CBY1: variants seen among roughly 807,000 people sequenced by gnomAD.
CBY1 encodes protein chibby homolog 1.
In CBY1, 10 loss-of-function variants were observed where a neutral mutation model predicts 15.6. The observed-to-expected ratio is 0.64, with a 90% CI of 0.40 to 1.09. The LOEUF (loss-of-function observed/expected upper bound fraction) is 1.09, where lower values mean the gene tolerates loss of function less well. Ranked by LOEUF, CBY1 falls within the 50% of genes least tolerant of loss-of-function variation. The pLI is 0.01. For missense variants in CBY1, 150 were observed against 160.5 expected, an observed-to-expected ratio of 0.93 and a Z score of 0.35; for synonymous variants, 61 against 63.5, an observed-to-expected ratio of 0.96 and a Z score of 0.19.
intron 1 of CBY1, among the ~76,000 whole-genome samples, chr22:38,660,304 C>T (rs2092418448): frequency 6.6e-6 from 1 of 151,728 alleles, no homozygotes; most frequent in African/African-American, 2.4e-5. Context: ...AAGTGATTCT[C>T]CTGTCTCAGC....
chr22:38,660,201 C>CT (rs967592367), intron 1 of CBY1, among the ~76,000 whole-genome samples: 31 of 146,916 alleles, frequency 2.1e-4, no homozygotes, highest in South Asian at 1.1e-3. Context: ...ATTTTTTTAA[C>CT]TTTTTTTTTT....
chr22:38,661,125 A>G (rs1003071431), intron 1 of CBY1, among the ~76,000 whole-genome samples: 1 of 152,006 alleles, frequency 6.6e-6, no homozygotes, highest in Non-Finnish European at 1.5e-5. Context: ...CCCAAATGCC[A>G]TCCCCTAAGT....
chr22:38,657,106 A>C, intron 1 of CBY1: 2 of 984,060 alleles, frequency 2.0e-6, no homozygotes, highest in Non-Finnish European at 2.4e-6. Context: ...GAATCCGATG[A>C]AAACCAGAGA....
chr22:38,672,407 C>G (rs919450142), intron 4 of CBY1, among the ~76,000 whole-genome samples: 7 of 152,004 alleles, frequency 4.6e-5, no homozygotes, highest in African/African-American at 1.7e-4. Context: ...TGCCCCACTG[C>G]AACCTCTGCC....
At chr22:38,661,304 G>C (rs561923435) in intron 1 of CBY1, among the ~76,000 whole-genome samples, 1 of 152,230 alleles carries the variant, frequency 6.6e-6, no homozygotes, top group African/African-American at 2.4e-5. Flanking sequence ...CTCCCAGGCA[G>C]TTGGGATTAC....
chr22:38,660,994 A>G (rs1254763243), intron 1 of CBY1, among the ~76,000 whole-genome samples: 6 of 151,748 alleles, frequency 4.0e-5, no homozygotes, highest in Admixed American at 3.3e-4. Flanking sequence ...GGGCCTTACA[A>G]TGTGTTTTGG....
intron 1 of CBY1, among the ~76,000 whole-genome samples, chr22:38,662,078 A>C (rs2092423624): frequency 6.6e-6 from 1 of 152,108 alleles, no homozygotes; most frequent in Non-Finnish European, 1.5e-5. Context: ...AAGTTGGGCC[A>C]GTCGCTTGAG....
rs369919819 is a variant in CBY1 at position 38,671,087 on chromosome 22, G to A, written c.202G>A (p.Gly68Ser). ...TCCTCCAGAGACAGGGGTTAGTGGC[G>A]GTGTGGACCGGAGGGAGGTTCAGCG... The part of the protein sequence containing the change: ...QWIAETGVSG[G>S]VDRREVQRLR... The change falls in exon 4 of 5, where the codon GGT becomes AGT. Residue 68 changes from glycine to serine, a missense_variant. Transcript: ENST00000216029. 20 of 1,614,032 alleles carry A rather than the reference G, an allele frequency of 1.2e-5. No individual in the cohort carries two copies. The highest frequency in any genetic ancestry group is 9.9e-5 in the South Asian group (9 of 91,092).
chr22:38,670,944 C>G lies in CBY1; in HGVS notation c.139C>G (p.Leu47Val). ...GLEYGSPTMNLAGQSLKFENG... is the reference protein window; with the variant it reads ...GLEYGSPTMNVAGQSLKFENG... ...GGAATACGGATCCCCGACTATGAAC[C>G]TGGCAGGGCAAAGCCTGAAGTTTGA... Residue 47 changes from leucine to valine, a missense_variant, in exon 3 of 5, where the codon CTG becomes GTG. Coordinates refer to ENST00000216029, the MANE Select transcript of CBY1 (RefSeq NM_015373.4). 1 of 1,614,196 alleles carries G rather than the reference C, an allele frequency of 6.2e-7. No homozygotes were observed. Among genetic ancestry groups the G allele is most frequent in the East Asian group, 2.2e-5 (1 of 44,888 alleles).
In CBY1 at chr22:38,673,457, G is replaced by C. The variant is rs2092458953; in HGVS notation, c.*221G>C. ...TCAGATGCACTGCCTGCGGGTGCCA[G>C]TCTGAAAACCAGACCGCACAGAGGC... On this transcript the variant is annotated 3_prime_UTR_variant, in exon 5 of 5. Coordinates refer to ENST00000216029, the MANE Select transcript of CBY1 (RefSeq NM_015373.4). The C allele has an allele frequency of 6.5e-6, 3 of 459,126 alleles. No homozygotes were observed. The highest frequency in any genetic ancestry group is 1.2e-5 in the Non-Finnish European group (3 of 246,270). 28.4% of individuals were successfully genotyped at this position (459,126 alleles called of 1,614,324 possible).
At position 38,657,192 on chromosome 22, in the gene CBY1, A is replaced by G. The variant is rs1331459472; in HGVS notation, c.-39+442A>G. ...TGTTGCAAACGGAAAACCTTTACAC[A>G]ATGATTAGTGATTAGTATCAGTATC... On this transcript the variant is annotated intron_variant, in intron 1 of 4. Coordinates refer to ENST00000216029, the MANE Select transcript of CBY1 (RefSeq NM_015373.4). 4.2e-6 allele frequency: 3 copies of G among 721,962 alleles called. No homozygotes were observed. The African/African-American group carries it at 5.8e-5, about 14-fold the overall frequency. The allele number at this position is 721,962 out of a possible 1,614,324, so 44.7% of individuals were successfully genotyped here. A position where few individuals can be genotyped will look rare whatever the true frequency, so the allele number is the denominator to read the frequency against.
rs1038199030 is a variant in CBY1 at position 38,673,410 on chromosome 22, G to C, written c.*174G>C. The C allele has an allele frequency of 5.5e-6, 3 of 542,036 alleles. No homozygotes were observed. Among genetic ancestry groups the C allele is most frequent in the African/African-American group, 1.9e-5 (1 of 52,176 alleles). The allele number at this position is 542,036 out of a possible 1,614,324, so 33.6% of individuals were successfully genotyped here. ...ATGGAGAAAACCAAGATTCCAGATG[G>C]GGATAGTAACTAGAAGGTGCTTCAG... On this transcript the variant is annotated 3_prime_UTR_variant, in exon 5 of 5. Coordinates refer to ENST00000216029, the MANE Select transcript of CBY1 (RefSeq NM_015373.4).
intron 1 of CBY1, chr22:38,657,244 CGATCCTCTTCCCAGGGTCGTTGTGAG>C (rs2092401899): frequency 3.3e-6 from 1 of 307,026 alleles, no homozygotes; most frequent in South Asian, 1.3e-4. Context: ...TCTACTTACT[CGATCCTCTTCCCAGGGTCGTTGTGAG>C]GATCAAGTGC....
intron 1 of CBY1, among the ~76,000 whole-genome samples, chr22:38,666,234 T>TA (rs1555982684): frequency 0.01 from 836 of 82,502 alleles, 7 homozygotes; most frequent in African/African-American, 0.033. Context: ...TATATATATA[T>TA]TTTTTTTTCT....
chr22:38,672,319 TTTTA>T (rs977655598), intron 4 of CBY1, among the ~76,000 whole-genome samples: 15 of 151,772 alleles, frequency 9.9e-5, no homozygotes, highest in African/African-American at 3.4e-4. Context: ...TTATTTTTAT[TTTTA>T]TTTATTTATT....
intron 1 of CBY1, 94 bp from the exon 2 acceptor site, chr22:38,667,923 G>T: frequency 1.5e-6 from 1 of 659,052 alleles, no homozygotes; most frequent in Middle Eastern, 2.6e-4. Flanking sequence ...ATCGTTAGTA[G>T]CCACATGATA....
At chr22:38,665,619 G>A (rs530849984) in intron 1 of CBY1, 12 of 561,196 alleles carry the variant, frequency 2.1e-5, no homozygotes, top group African/African-American at 7.7e-5. Context: ...GAAACATGAC[G>A]TTGAGTGTGA....
chr22:38,665,488 A>G (rs2092433434), intron 1 of CBY1: 2 of 388,840 alleles, frequency 5.1e-6, no homozygotes, highest in African/African-American at 4.1e-5. Flanking sequence ...CAAAACTGCA[A>G]ACAGCTCAAA....
chr22:38,665,505 T>C, intron 1 of CBY1: 1 of 393,682 alleles, frequency 2.5e-6, no homozygotes, highest in East Asian at 3.6e-5. Flanking sequence ...CAAATGTCCA[T>C]CTTCTGTAGA....
Sources: gnomAD v4.1 joint callset for allele counts (sites outside exome capture counted in the v4.1 genomes callset) on GRCh38, gnomAD v4.1.1 for gene constraint, MANE v1.5 for transcripts, NCBI Gene and HGNC (gene_info 2026-07-23, HGNC 2026-07-21) for gene names.